JAG1: variants seen among roughly 807,000 people sequenced by gnomAD.
JAG1 encodes the protein protein jagged-1.
In JAG1, 23 loss-of-function variants were observed where a neutral mutation model predicts 148.7. That is an observed-to-expected ratio of 0.15 (90% CI 0.11 to 0.22). The LOEUF (loss-of-function observed/expected upper bound fraction) is 0.22, where lower values mean the gene tolerates loss of function less well. Among genes scored for constraint, JAG1 ranks in the 10% least tolerant of loss-of-function variants. The pLI is 1.00. For synonymous variants in JAG1, 572 were observed against 598.3 expected (o/e 0.96, Z 0.64); for missense variants, 1,054 against 1,611.2 (o/e 0.65, Z 5.92).
chr20:10,644,957 G>T lies in JAG1; in HGVS notation c.2250C>A (p.Pro750=). The T allele has an allele frequency of 1.2e-6, 2 of 1,613,016 alleles. No homozygotes were observed. The highest frequency in any genetic ancestry group is 1.7e-6 in the Non-Finnish European group (2 of 1,179,600). ...ATGTGCCCCCATTATGGCAGGGGTT[G>T]GGCAGGCAGCTACTGTTTCGGGCTA... ...CNIARNSSCL[P]NPCHNGGTCV... is the part of the protein sequence containing the mutation. Residue 750 remains proline (P), a synonymous_variant, in exon 18 of 26, where the codon CCC becomes CCA. Coordinates refer to ENST00000254958, the MANE Select transcript of JAG1 (RefSeq NM_000214.3).
At chr20:10,658,336 A>G in intron 4 of JAG1, 132 bp downstream of exon 4, 2 of 1,150,676 alleles carry the variant, frequency 1.7e-6, no homozygotes, top group South Asian at 1.3e-5. Context: ...GCATCTTCAT[A>G]CTGCAGGCCC....
chr20:10,663,377 C>T (rs754343572), intron 3 of JAG1, among the ~76,000 whole-genome samples: 5 of 152,230 alleles, frequency 3.3e-5, no homozygotes, highest in Non-Finnish European at 7.3e-5. Context: ...AAACCAACCC[C>T]TCAGTCCTGA....
rs145590301 is a variant in JAG1, at chr20:10,667,235, G to A, written c.388-3221C>T. On this transcript the variant is annotated intron_variant, in intron 2 of 25. Transcript: ENST00000254958. Reference sequence around the variant, plus strand: ...GGCTGCTGCGACAGGCAGGCCCGCCGGCGGCACGCACATCCTGGGAATGCC... The same window carrying A: ...GGCTGCTGCGACAGGCAGGCCCGCCAGCGGCACGCACATCCTGGGAATGCC... Among the ~76,000 whole-genome samples, 1,135 of 152,316 alleles carry A rather than the reference G, an allele frequency of 7.5e-3. 5 individuals carry two copies. The highest frequency in any genetic ancestry group is 0.014 in the Middle Eastern group (4 of 294).
At chr20:10,655,932 AC>A (rs1386475998) in intron 5 of JAG1, among the ~76,000 whole-genome samples, 7 of 152,052 alleles carry the variant, frequency 4.6e-5, no homozygotes, top group Admixed American at 2.0e-4. Context: ...CTCAGCACCA[AC>A]CCAGCTCCCG....
rs1047296067 is a variant in JAG1 at position 10,644,521 on chromosome 20, T to C, written c.2345-137A>G. 3.9e-5 allele frequency: 29 copies of C among 746,662 alleles called. 1 individual carries two copies. Among genetic ancestry groups the C allele is most frequent in the African/African-American group, 8.6e-5 (5 of 57,828 alleles). 46.3% of individuals were successfully genotyped at this position (746,662 alleles called of 1,614,324 possible). Reference sequence around the variant, plus strand: ...ACACCAGCAAAATACCTTTGCTAAATTGGAACCAGGCCCGCACCACACTTA... The same window carrying C: ...ACACCAGCAAAATACCTTTGCTAAACTGGAACCAGGCCCGCACCACACTTA... On this transcript the variant is annotated intron_variant, in intron 18 of 25. Coordinates refer to ENST00000254958, the MANE Select transcript of JAG1 (RefSeq NM_000214.3).
Position 10,647,844 on chromosome 20 carries a change from A to G in JAG1, c.1720+116T>C, listed in dbSNP as rs2067319718. 6 of 1,123,052 alleles carry G rather than the reference A, an allele frequency of 5.3e-6. No individual in the cohort carries two copies. In the African/African-American group the frequency reaches 6.1e-5, roughly 12 times the overall value. The allele number at this position is 1,123,052 out of a possible 1,614,324, so 69.6% of individuals were successfully genotyped here. A position where few individuals can be genotyped will look rare whatever the true frequency, so the allele number is the denominator to read the frequency against. On this transcript the variant is annotated intron_variant, in intron 13 of 25. Transcript: ENST00000254958. ...GCTACACAGGCAGGATCATTTCACT[A>G]TAGAGGTCCTCCTCACCAATACATT...
At chr20:10,650,621 C>T (rs1038600324) in intron 8 of JAG1, 22 of 486,914 alleles carry the variant, frequency 4.5e-5, no homozygotes, top group South Asian at 1.5e-4. Context: ...ACGGAGCATC[C>T]GCCCAGGAGG....
At chr20:10,664,313 G>A (rs1456610507) in intron 2 of JAG1, among the ~76,000 whole-genome samples, 4 of 151,416 alleles carry the variant, frequency 2.6e-5, no homozygotes, top group Admixed American at 2.0e-4. Context: ...TATATGATAT[G>A]AGAGTATTTA....
Position 10,639,601 on chromosome 20 carries a change from G to A in JAG1, c.3554C>T (p.Pro1185Leu), listed in dbSNP as rs1177139139. The change falls in exon 26 of 26, where the codon CCC becomes CTC. Residue 1185 changes from proline to leucine, a missense_variant. Coordinates refer to ENST00000254958, the MANE Select transcript of JAG1 (RefSeq NM_000214.3). ...AYTLVDREEK[P>L]PNGTPTKHPN... ...GTGTTTTGTCGGCGTGCCGTTGGGG[G>A]GCTTCTCTTCTCTGTCTACCAGCGT... 4.3e-6 allele frequency: 7 copies of A among 1,614,156 alleles called. No homozygotes were observed. Among genetic ancestry groups the A allele is most frequent in the Non-Finnish European group, 5.9e-6 (7 of 1,180,024 alleles).
intron 2 of JAG1, among the ~76,000 whole-genome samples, chr20:10,667,309 C>T (rs761200278): frequency 6.6e-6 from 1 of 152,212 alleles, no homozygotes; most frequent in South Asian, 2.1e-4. Flanking sequence ...TCCCAGGGTT[C>T]GTCAGGGGCC....
rs1306263252 is a variant in JAG1, at chr20:10,637,762, A to G, written c.*1736T>C. The stretch of plus-strand genomic sequence containing the variant: ...AACAAGGGAATCAAGGCTCCCCTAG[A>G]TGGGGCTCCCGCAGTTCCAGCTTCA... On this transcript the variant is annotated 3_prime_UTR_variant, in exon 26 of 26. Coordinates refer to ENST00000254958, the MANE Select transcript of JAG1 (RefSeq NM_000214.3). 6.6e-6 allele frequency: 1 copy of G among 152,662 alleles called. No individual in the cohort carries two copies. Among genetic ancestry groups the G allele is most frequent in the African/African-American group, 2.4e-5 (1 of 41,464 alleles). The allele number at this position is 152,662 out of a possible 1,614,324, so 9.5% of individuals were successfully genotyped here. A position where few individuals can be genotyped will look rare whatever the true frequency, so the allele number is the denominator to read the frequency against.
chr20:10,646,872 A>G, intron 14 of JAG1, 67 bp downstream of exon 14: 1 of 1,451,916 alleles, frequency 6.9e-7, no homozygotes, highest in South Asian at 1.1e-5. Flanking sequence ...AGGGTGGGCC[A>G]GGGGCAGAGG....
At position 10,650,526 on chromosome 20, in the gene JAG1, C is replaced by T. The variant is rs77084304; in HGVS notation, c.1121-166G>A. On this transcript the variant is annotated intron_variant, in intron 8 of 25. Coordinates refer to ENST00000254958, the MANE Select transcript of JAG1 (RefSeq NM_000214.3). ...GGGACGGTGACGATAAGGCCGAAGCCTTGATTTTAGCTTTAAATCCCCCAC... is the reference window on the plus strand; with the variant it reads ...GGGACGGTGACGATAAGGCCGAAGCTTTGATTTTAGCTTTAAATCCCCCAC... 3,020 of 618,434 alleles carry T rather than the reference C, an allele frequency of 4.9e-3. 11 individuals are homozygous for T. The highest frequency in any genetic ancestry group is 7.4e-3 in the Non-Finnish European group (2,556 of 343,182). The allele number at this position is 618,434 out of a possible 1,614,324, so 38.3% of individuals were successfully genotyped here.
intron 18 of JAG1, 150 bp from the exon 19 acceptor site, chr20:10,644,534 C>A (rs975967167): frequency 4.2e-6 from 3 of 714,992 alleles, no homozygotes; most frequent in African/African-American, 1.7e-5. Flanking sequence ...GAACCAGGCC[C>A]GCACCACACT....
chr20:10,661,520 G>A (rs1011119314), intron 3 of JAG1, among the ~76,000 whole-genome samples: 1 of 152,200 alleles, frequency 6.6e-6, no homozygotes, highest in African/African-American at 2.4e-5. Context: ...GCAACTGCTA[G>A]GGTATGGCCA....
rs1425641992 is a variant in JAG1, at chr20:10,649,428, T to C, written c.1348+94A>G. On this transcript the variant is annotated intron_variant, in intron 10 of 25. Transcript: ENST00000254958. ...CATTCCCACTCTAAGGTTTTCCTTCTACTGCTCAAGTCCTAGGACTGGAGC... is the reference window on the plus strand; with the variant it reads ...CATTCCCACTCTAAGGTTTTCCTTCCACTGCTCAAGTCCTAGGACTGGAGC... 5.0e-6 allele frequency: 4 copies of C among 797,678 alleles called. No individual in the cohort carries two copies. In the African/African-American group the frequency reaches 6.8e-5, roughly 14 times the overall value. 49.4% of individuals were successfully genotyped at this position (797,678 alleles called of 1,614,324 possible). A position where few individuals can be genotyped will look rare whatever the true frequency, so the allele number is the denominator to read the frequency against.
At chr20:10,663,006 C>T (rs963736852) in intron 3 of JAG1, among the ~76,000 whole-genome samples, 2 of 150,814 alleles carry the variant, frequency 1.3e-5, no homozygotes, top group Non-Finnish European at 2.9e-5. Context: ...ACTGCACCCA[C>T]GGTGTGCATT....
chr20:10,646,403 T>G (rs1277730826), intron 14 of JAG1: 1 of 398,178 alleles, frequency 2.5e-6, no homozygotes, highest in Non-Finnish European at 4.8e-6. Flanking sequence ...ATATGGAGGC[T>G]CCGAGGCAGA....
chr20:10,651,784 A>T, intron 7 of JAG1, 90 bp from the exon 8 acceptor site: 1 of 806,334 alleles, frequency 1.2e-6, no homozygotes. Context: ...CACCACAGCC[A>T]CTAGTGCAAG....
Sources: gnomAD v4.1 joint callset for allele counts (sites outside exome capture counted in the v4.1 genomes callset) on GRCh38, gnomAD v4.1.1 for gene constraint, MANE v1.5 for transcripts, NCBI Gene and HGNC (gene_info 2026-07-23, HGNC 2026-07-21) for gene names.